Variants in GRIA1 observed in about 807,000 individuals in gnomAD.
GRIA1 encodes glutamate ionotropic receptor AMPA type subunit 1.
Under a neutral mutation model 99.2 loss-of-function variants are expected in GRIA1, and 31 were observed. That is an observed-to-expected ratio of 0.31 (90% CI 0.23 to 0.42). The LOEUF (loss-of-function observed/expected upper bound fraction) is 0.42. Ranked by LOEUF, GRIA1 falls within the 10% of genes least tolerant of loss-of-function variation. GRIA1 has a pLI of 1.00. For synonymous variants in GRIA1, 438 were observed against 432.4 expected, an observed-to-expected ratio of 1.01 and a Z score of -0.16; for missense variants, 782 against 1,157.5, an observed-to-expected ratio of 0.68 and a Z score of 4.71.
In GRIA1 at chr5:153,748,007, C is replaced by G. The variant is rs142642172; in HGVS notation, c.1824-16427C>G. ...ATGTTCACTGAGCACCTATTGTGTGCCAGGCACTGTGCTAGTGCTGAGGGT... is the reference window on the plus strand; with the variant it reads ...ATGTTCACTGAGCACCTATTGTGTGGCAGGCACTGTGCTAGTGCTGAGGGT... On this transcript the variant is annotated intron_variant, in intron 11 of 15. Coordinates refer to ENST00000285900, the MANE Select transcript of GRIA1 (RefSeq NM_000827.4). Among the ~76,000 whole-genome samples the G allele has an allele frequency of 8.1e-3, 1,236 of 152,312 alleles. 7 individuals carry two copies. Among genetic ancestry groups the G allele is most frequent in the Middle Eastern group, 0.014 (4 of 294 alleles).
At chr5:153,779,358 T>C (rs1764487058) in intron 13 of GRIA1, among the ~76,000 whole-genome samples, 1 of 152,180 alleles carries the variant, frequency 6.6e-6, no homozygotes, top group Non-Finnish European at 1.5e-5. Context: ...AAGACTCGCA[T>C]CACTGCCTTA....
intron 11 of GRIA1, among the ~76,000 whole-genome samples, chr5:153,724,739 G>A (rs1760373695): frequency 6.6e-6 from 1 of 152,124 alleles, no homozygotes. Context: ...AAGAAATATG[G>A]GACTATGTGA....
At chr5:153,786,302 A>T (rs1380435310) in intron 13 of GRIA1, among the ~76,000 whole-genome samples, 2 of 152,008 alleles carry the variant, frequency 1.3e-5, no homozygotes, top group African/African-American at 2.4e-5. Context: ...TCCCCTCATC[A>T]TGACTACACT....
intron 15 of GRIA1, 21 bp from the exon 16 acceptor site, chr5:153,811,004 A>G: frequency 6.3e-7 from 1 of 1,591,990 alleles, no homozygotes; most frequent in Non-Finnish European, 8.6e-7. Context: ...CCGGGGAAGA[A>G]CCCCCGGTCC....
chr5:153,500,030 T>C (rs1318135431), intron 2 of GRIA1, among the ~76,000 whole-genome samples: 21 of 152,230 alleles, frequency 1.4e-4, no homozygotes, highest in Non-Finnish European at 1.5e-5. Context: ...GGCTCCTCAA[T>C]CTTCACCCGT....
intron 2 of GRIA1, among the ~76,000 whole-genome samples, chr5:153,634,359 A>T (rs1396677392): frequency 6.6e-6 from 1 of 151,352 alleles, no homozygotes; most frequent in Non-Finnish European, 1.5e-5. Flanking sequence ...TGAGTATTTT[A>T]GAGAAGGCCT....
intron 2 of GRIA1, among the ~76,000 whole-genome samples, chr5:153,517,859 A>G (rs1357649607): frequency 2.0e-5 from 3 of 152,182 alleles, no homozygotes; most frequent in African/African-American, 7.2e-5. Context: ...ATTGAGCTGA[A>G]CATTCCATTC....
At chr5:153,627,764 G>C (rs1406099419) in intron 2 of GRIA1, among the ~76,000 whole-genome samples, 1 of 152,136 alleles carries the variant, frequency 6.6e-6, no homozygotes, top group Non-Finnish European at 1.5e-5. Context: ...CCCAGCAATT[G>C]TTCAATGACT....
chr5:153,768,215 A>C (rs1763644970), intron 12 of GRIA1, among the ~76,000 whole-genome samples: 1 of 152,148 alleles, frequency 6.6e-6, no homozygotes, highest in Admixed American at 6.5e-5. Context: ...TTCCTCCCCT[A>C]ACCTTGGAAT....
intron 2 of GRIA1, among the ~76,000 whole-genome samples, chr5:153,567,498 T>G (rs1462079918): frequency 1.3e-5 from 2 of 152,222 alleles, no homozygotes; most frequent in African/African-American, 4.8e-5. Context: ...GACAGCTGCC[T>G]GTGTAAGGAT....
intron 2 of GRIA1, among the ~76,000 whole-genome samples, chr5:153,587,166 A>C (rs1763563504): frequency 6.6e-6 from 1 of 152,198 alleles, no homozygotes; most frequent in East Asian, 1.9e-4. Context: ...TGTGTGGGTC[A>C]TGGGGGCAGA....
intron 8 of GRIA1, among the ~76,000 whole-genome samples, chr5:153,695,308 A>C (rs1276290674): frequency 6.6e-6 from 1 of 152,186 alleles, no homozygotes; most frequent in Non-Finnish European, 1.5e-5. Context: ...TTTACATCAT[A>C]ATATACTACC....
chr5:153,794,412 G>A (rs778331384), intron 13 of GRIA1, among the ~76,000 whole-genome samples: 2 of 152,138 alleles, frequency 1.3e-5, no homozygotes, highest in East Asian at 1.9e-4. Flanking sequence ...TTACAATGAC[G>A]CCTCTCCATA....
At position 153,633,950 on chromosome 5, in the gene GRIA1, A is replaced by G. The variant is rs137874393; in HGVS notation, c.221-12978A>G. ...CAGGGAGATGAAATTAAACAAATAA[A>G]CCAAAAGTTAAACAAAATAATTAAA... On this transcript the variant is annotated intron_variant, in intron 2 of 15. Coordinates refer to ENST00000285900, the MANE Select transcript of GRIA1 (RefSeq NM_000827.4). 7.0e-3 allele frequency among the ~76,000 whole-genome samples: 1,059 copies of G among 152,292 alleles called. 10 individuals carry two copies. The highest frequency in any genetic ancestry group is 0.012 in the Non-Finnish European group (799 of 68,030).
At chr5:153,494,422 T>C (rs1218736558) in intron 2 of GRIA1, 5 of 196,256 alleles carry the variant, frequency 2.5e-5, no homozygotes, top group African/African-American at 9.3e-5. Flanking sequence ...GTCCTGAGTT[T>C]GTGAAAATGT....
At chr5:153,489,766 C>G (rs1343516741), upstream of GRIA1, 5 of 456,424 alleles carry the variant, frequency 1.1e-5, no homozygotes, top group Non-Finnish European at 8.8e-6. Flanking sequence ...TGACCAGCAT[C>G]CAGAAAGACC....
At chr5:153,587,854 A>G (rs1763627797) in intron 2 of GRIA1, among the ~76,000 whole-genome samples, 1 of 152,216 alleles carries the variant, frequency 6.6e-6, no homozygotes, top group African/African-American at 2.4e-5. Context: ...TGTAAATCAA[A>G]TAACCACCTG....
chr5:153,553,135 T>C (rs1013092327), intron 2 of GRIA1, among the ~76,000 whole-genome samples: 2 of 152,208 alleles, frequency 1.3e-5, no homozygotes, highest in Non-Finnish European at 2.9e-5. Flanking sequence ...TTTTTCCTCT[T>C]ATTTACTTAC....
chr5:153,626,474 GTGTGTGTGTGTGTA>G (rs1356525230), intron 2 of GRIA1, among the ~76,000 whole-genome samples: 11 of 150,640 alleles, frequency 7.3e-5, no homozygotes, highest in African/African-American at 2.4e-4. Context: ...GTGTGTGTGT[GTGTGTGTGTGTGTA>G]TGTGTTGTGC....
Sources: allele counts gnomAD v4.1 joint callset (sites outside exome capture counted in the v4.1 genomes callset), GRCh38; gene constraint gnomAD v4.1.1; transcripts MANE v1.5; gene names NCBI Gene and HGNC (gene_info 2026-07-23, HGNC 2026-07-21).